The following CAST variants were observed in gnomAD, a reference collection of about 807,000 sequenced individuals.
CAST encodes the protein calpastatin, also known as MIR583 host.
In CAST, 76 loss-of-function variants were observed where a neutral mutation model predicts 119.6. The ratio of observed to expected loss-of-function variants is 0.64; its 90% CI spans 0.53 to 0.77. The LOEUF is 0.77. CAST is among the 30% of genes least tolerant of loss of function. The probability of loss-of-function intolerance (pLI) is 0.00; values close to 1 mark genes in which losing one functional copy is unlikely to be tolerated. For synonymous variants in CAST, 319 were observed against 331.6 expected (o/e 0.96, Z 0.41); for missense variants, 953 against 946.5 (o/e 1.01, Z -0.09).
chr5:96,754,385 G>T (rs1765829061), intron 21 of CAST, among the ~76,000 whole-genome samples: 1 of 152,196 alleles, frequency 6.6e-6, no homozygotes, highest in Admixed American at 6.5e-5. Flanking sequence ...AGGCCTCTGA[G>T]TCTCATCTTT....
chr5:96,095,465 G>T, the CAST span, among the ~76,000 whole-genome samples: 1 of 148,396 alleles, frequency 6.7e-6, no homozygotes, highest in South Asian at 2.1e-4. Flanking sequence ...GGAGGCTGAG[G>T]CAAGAGGATC....
At chr5:96,594,186 A>T (rs1747014110) in intron 1 of CAST, among the ~76,000 whole-genome samples, 2 of 152,238 alleles carry the variant, frequency 1.3e-5, no homozygotes, top group Non-Finnish European at 2.9e-5. Flanking sequence ...GTTGTAAGAA[A>T]CATGAATGAG....
chr5:96,651,441 T>G (rs1172751193), intron 1 of CAST, among the ~76,000 whole-genome samples: 1 of 152,212 alleles, frequency 6.6e-6, no homozygotes, highest in Non-Finnish European at 1.5e-5. Context: ...CTGCTGTCTT[T>G]TCAGAAATCC....
the CAST span, among the ~76,000 whole-genome samples, chr5:96,039,489 T>G: frequency 6.6e-6 from 1 of 152,068 alleles, no homozygotes. Flanking sequence ...TTTTCTTCTA[T>G]GATTTTTATG....
At chr5:96,476,429 G>T in the CAST span, among the ~76,000 whole-genome samples, 2 of 151,974 alleles carry the variant, frequency 1.3e-5, no homozygotes, top group African/African-American at 4.8e-5. Context: ...CCTCTTATCT[G>T]CCCTCCCAGC....
At chr5:96,396,486 A>G in the CAST span, among the ~76,000 whole-genome samples, 145 of 151,498 alleles carry the variant, frequency 9.6e-4, no homozygotes, top group Middle Eastern at 6.8e-3. Flanking sequence ...GCTTGAACCC[A>G]GGAGGCAGAG....
intron 1 of CAST, among the ~76,000 whole-genome samples, chr5:96,531,093 G>A (rs1745681526): frequency 6.6e-6 from 1 of 152,208 alleles, no homozygotes; most frequent in South Asian, 2.1e-4. Context: ...GCACCCCACT[G>A]CAAATAATTT....
chr5:96,214,155 AT>A, the CAST span, among the ~76,000 whole-genome samples: 1 of 152,222 alleles, frequency 6.6e-6, no homozygotes, highest in Non-Finnish European at 1.5e-5. Flanking sequence ...AAAAATCTGC[AT>A]GAGTTGAAAC....
the CAST span, among the ~76,000 whole-genome samples, chr5:96,453,927 C>A: frequency 6.6e-6 from 1 of 152,280 alleles, no homozygotes; most frequent in South Asian, 2.1e-4. Context: ...AGAAAATGAT[C>A]TACATGCATC....
At chr5:96,197,501 T>C in the CAST span, among the ~76,000 whole-genome samples, 3 of 152,188 alleles carry the variant, frequency 2.0e-5, no homozygotes, top group African/African-American at 7.2e-5. Flanking sequence ...GTCATTCTCC[T>C]TTTCATTAAA....
rs1362822339 is a variant in CAST, at chr5:96,767,630, G to C, written c.2175+148G>C. On this transcript the variant is annotated intron_variant, in intron 28 of 31. Transcript: ENST00000675179. ...ATGCATATAAATGTGTGTGACTATT[G>C]TTTACCTCTCTTTTAGTCTTCACAA... 1.0e-5 allele frequency: 7 copies of C among 668,130 alleles called. No homozygotes were observed. In the Admixed American group the frequency reaches 1.9e-4, roughly 18 times the overall value. The allele number at this position is 668,130 out of a possible 1,614,324, so 41.4% of individuals were successfully genotyped here.
chr5:96,658,227 T>C (rs1361107792), upstream of CAST, among the ~76,000 whole-genome samples: 6 of 152,246 alleles, frequency 3.9e-5, no homozygotes, highest in Admixed American at 6.5e-5. Flanking sequence ...TTCATTACCA[T>C]GCACACATCA....
chr5:96,408,239 G>A, the CAST span: 4 of 1,613,588 alleles, frequency 2.5e-6, no homozygotes, highest in Non-Finnish European at 3.4e-6. Flanking sequence ...TCCAGGGCCA[G>A]AGCGAAGATG....
At chr5:96,246,580 T>G in the CAST span, among the ~76,000 whole-genome samples, 1 of 152,220 alleles carries the variant, frequency 6.6e-6, no homozygotes, top group Admixed American at 6.5e-5. Flanking sequence ...CTCACTCCAC[T>G]GGCACAGTTG....
the CAST span, among the ~76,000 whole-genome samples, chr5:96,190,272 G>A: frequency 1.3e-5 from 2 of 152,292 alleles, no homozygotes; most frequent in Admixed American, 6.5e-5. Context: ...ATCCTGCAAA[G>A]TGAATGCTGG....
the CAST span, among the ~76,000 whole-genome samples, chr5:96,234,565 C>G: frequency 6.6e-6 from 1 of 152,112 alleles, no homozygotes; most frequent in Admixed American, 6.5e-5. Context: ...CATGAAGGAC[C>G]GAGTTTCCTT....
chr5:96,731,784 A>G (rs192633676), intron 9 of CAST, among the ~76,000 whole-genome samples: 6,703 of 150,358 alleles, frequency 0.045, 210 homozygotes, highest in South Asian at 0.13. Context: ...TAGTTTACTG[A>G]GAATGATGAT....
chr5:96,662,992 C>T, intron 1 of CAST: 1 of 644,094 alleles, frequency 1.6e-6, no homozygotes, highest in Non-Finnish European at 2.8e-6. Context: ...GGGTTCTGCC[C>T]ACCTGGCAGC....
chr5:96,348,780 A>G, the CAST span, among the ~76,000 whole-genome samples: 1 of 152,158 alleles, frequency 6.6e-6, no homozygotes, highest in Admixed American at 6.6e-5. Flanking sequence ...TCCAGGATTT[A>G]CAGAGGCTGG....
Sources: allele counts gnomAD v4.1 joint callset (sites outside exome capture counted in the v4.1 genomes callset), GRCh38; gene constraint gnomAD v4.1.1; transcripts MANE v1.5; gene names NCBI Gene and HGNC (gene_info 2026-07-23, HGNC 2026-07-21).